HERC2: variants seen among roughly 807,000 people sequenced by gnomAD.
HERC2 encodes the protein E3 ubiquitin-protein ligase HERC2.
HERC2 carries 102 observed loss-of-function variants against 537.7 expected under a neutral mutation model. The ratio of observed to expected loss-of-function variants is 0.19; its 90% CI spans 0.16 to 0.22. HERC2 has a LOEUF of 0.22. Among genes scored for constraint, HERC2 ranks in the 10% least tolerant of loss-of-function variants. The probability of loss-of-function intolerance (pLI) is 1.00; values close to 1 mark genes in which losing one functional copy is unlikely to be tolerated. For missense variants in HERC2, 4,236 were observed against 6,198.2 expected, an observed-to-expected ratio of 0.68 and a Z score of 10.63; for synonymous variants, 2,224 against 2,466.2, an observed-to-expected ratio of 0.90 and a Z score of 2.91.
intron 57 of HERC2, 84 bp downstream of exon 57, chr15:28,182,317 A>G (rs1055080219): frequency 1.2e-6 from 1 of 822,148 alleles, no homozygotes; most frequent in South Asian, 1.4e-5. Context: ...CAACATATAG[A>G]GAGTAAAGTT....
At chr15:28,193,147 G>A (rs1334718089) in intron 52 of HERC2, among the ~76,000 whole-genome samples, 1 of 152,008 alleles carries the variant, frequency 6.6e-6, no homozygotes, top group African/African-American at 2.4e-5. Flanking sequence ...CACATGAAAA[G>A]GCAAGAAAAT....
intron 4 of HERC2, 105 bp from the exon 5 acceptor site, chr15:28,280,392 G>T: frequency 1.1e-6 from 1 of 887,746 alleles, no homozygotes; most frequent in Non-Finnish European, 1.7e-6. Context: ...TCGAAGGCAT[G>T]ATATGTGGCA....
At chr15:28,216,190 C>G (rs1371071202) in intron 38 of HERC2, among the ~76,000 whole-genome samples, 1 of 151,926 alleles carries the variant, frequency 6.6e-6, no homozygotes, top group African/African-American at 2.4e-5. Context: ...TGTTTCTAGG[C>G]AATAGGAAAA....
intron 74 of HERC2, among the ~76,000 whole-genome samples, chr15:28,143,416 C>T (rs1487947889): frequency 6.6e-6 from 1 of 152,116 alleles, no homozygotes; most frequent in African/African-American, 2.4e-5. Flanking sequence ...TACGAGAAGT[C>T]TGGATGGGAC....
rs777168431 is a variant in HERC2, at chr15:28,265,759, A to G, written c.1757-28T>C. 1.2e-6 allele frequency: 2 copies of G among 1,613,756 alleles called. No individual in the cohort carries two copies. The highest frequency in any genetic ancestry group is 1.7e-6 in the Non-Finnish European group (2 of 1,179,682). ...TCAAACAGATAGGACGGCGGTTACTAAGTCCTGTAAGAGGCCACCTCCTGC... is the reference window on the plus strand; with the variant it reads ...TCAAACAGATAGGACGGCGGTTACTGAGTCCTGTAAGAGGCCACCTCCTGC... On this transcript the variant is annotated intron_variant, in intron 13 of 92. Transcript: ENST00000261609. This position sits in a 1 kb window ranked among gnomAD's most constrained non-coding sequence, Gnocchi z 4.0.
At position 28,111,584 on chromosome 15, in the gene HERC2, C is replaced by T; in HGVS notation, c.*179G>A. 1.6e-6 allele frequency: 1 copy of T among 640,160 alleles called. No homozygotes were observed. Among genetic ancestry groups the T allele is most frequent in the East Asian group, 2.7e-5 (1 of 36,506 alleles). The allele number at this position is 640,160 out of a possible 1,614,324, so 39.7% of individuals were successfully genotyped here. ...GAGCGTCCACAGTGTTCCACGCGCA[C>T]AGGCGGACCTTCTCACTGTCATTCC... On this transcript the variant is annotated 3_prime_UTR_variant, in exon 93 of 93. Transcript: ENST00000261609.
chr15:28,308,315 A>C (rs1340307164), intron 2 of HERC2, among the ~76,000 whole-genome samples: 9 of 152,212 alleles, frequency 5.9e-5, no homozygotes, highest in Non-Finnish European at 1.3e-4. Context: ...ATGTGTGGCT[A>C]CTATAAATGG....
At chr15:28,275,418 C>T (rs974408936) in intron 5 of HERC2, among the ~76,000 whole-genome samples, 1 of 152,224 alleles carries the variant, frequency 6.6e-6, no homozygotes, top group African/African-American at 2.4e-5. Context: ...GCCCCAGCTC[C>T]GGCGTCCTCC....
intron 34 of HERC2, 67 bp downstream of exon 34, chr15:28,229,128 T>G: frequency 7.2e-7 from 1 of 1,389,448 alleles, no homozygotes; most frequent in Non-Finnish European, 1.0e-6. Context: ...AATTGGCATT[T>G]GCAAGTTTCC....
At chr15:28,233,869 C>T (rs1902145664) in intron 27 of HERC2, 73 bp from the exon 28 acceptor site, 3 of 1,442,062 alleles carry the variant, frequency 2.1e-6, no homozygotes, top group East Asian at 4.5e-5. Flanking sequence ...CATGCCACAG[C>T]TTCTGACGCA....
At chr15:28,147,630 G>C (rs1371362966) in intron 70 of HERC2, among the ~76,000 whole-genome samples, 1 of 143,094 alleles carries the variant, frequency 7.0e-6, no homozygotes, top group Non-Finnish European at 1.5e-5. Context: ...AAGTGACAAA[G>C]CTTTTCTGAA....
In HERC2 at chr15:28,111,688, A is replaced by C; in HGVS notation, c.*75T>G. Reference sequence around the variant, plus strand: ...ACGCTTCTCATCAGACACACCAGGCAGCCTACAGTCTACACAGCAGCGAGC... The same window carrying C: ...ACGCTTCTCATCAGACACACCAGGCCGCCTACAGTCTACACAGCAGCGAGC... On this transcript the variant is annotated 3_prime_UTR_variant, in exon 93 of 93. Coordinates refer to ENST00000261609, the MANE Select transcript of HERC2 (RefSeq NM_004667.6). 1 of 1,497,056 alleles carries C rather than the reference A, an allele frequency of 6.7e-7. No homozygotes were observed. The highest frequency in any genetic ancestry group is 9.1e-7 in the Non-Finnish European group (1 of 1,093,550). The allele number at this position is 1,497,056 out of a possible 1,614,324, so 92.7% of individuals were successfully genotyped here. A position where few individuals can be genotyped will look rare whatever the true frequency, so the allele number is the denominator to read the frequency against.
In HERC2 at chr15:28,124,063, G is replaced by A. The variant is rs1299149633; in HGVS notation, c.13162C>T (p.Arg4388Ter). 1.3e-6 allele frequency: 2 copies of A among 1,597,906 alleles called. No homozygotes were observed. The highest frequency in any genetic ancestry group is 1.7e-6 in the Non-Finnish European group (2 of 1,172,106). ...TTTCCCTGGGATATCAGAATTCCTC[G>A]GAGAGTGTCGAACCCAACAGAAGGC... is the stretch of plus-strand genomic sequence containing the variant. ...LGPSVGFDTLRGILISQGKEA... is the reference protein window; with the variant it reads ...LGPSVGFDTL The change falls in exon 85 of 93, where the codon CGA becomes TGA. Residue 4388 changes from arginine (R) to a stop codon, truncating the protein, a stop_gained. Coordinates refer to ENST00000261609, the MANE Select transcript of HERC2 (RefSeq NM_004667.6). LOFTEE classifies it high-confidence loss of function.
At chr15:28,255,114 T>C (rs950453775) in intron 19 of HERC2, among the ~76,000 whole-genome samples, 103 of 152,078 alleles carry the variant, frequency 6.8e-4, no homozygotes, top group African/African-American at 2.2e-3. Context: ...GGTGGGGGGA[T>C]CACTGGAGCC....
chr15:28,225,148 GA>G (rs1422855830), intron 35 of HERC2, among the ~76,000 whole-genome samples: 3 of 152,324 alleles, frequency 2.0e-5, no homozygotes, highest in African/African-American at 7.2e-5. Context: ...AGCACTTTGG[GA>G]GGCTGAGGCA....
intron 38 of HERC2, among the ~76,000 whole-genome samples, chr15:28,216,107 C>A (rs1899873442): frequency 6.6e-6 from 1 of 152,000 alleles, no homozygotes; most frequent in Non-Finnish European, 1.5e-5. Context: ...TGCCAAATAG[C>A]TGGGACTACG....
intron 1 of HERC2, 127 bp from the exon 2 acceptor site, chr15:28,321,591 G>A: frequency 2.2e-6 from 1 of 450,994 alleles, no homozygotes; most frequent in Non-Finnish European, 3.7e-6. Context: ...GTGGAGGGGA[G>A]AGAAGGGGAG....
intron 23 of HERC2, among the ~76,000 whole-genome samples, chr15:28,243,073 A>G (rs1903294220): frequency 6.6e-6 from 1 of 152,192 alleles, no homozygotes; most frequent in South Asian, 2.1e-4. Context: ...TCACTAGGGG[A>G]AAAGCTGCAA....
Position 28,274,356 on chromosome 15 carries a change from G to A in HERC2, c.735C>T (p.Thr245=), listed in dbSNP as rs772561957. The A allele has an allele frequency of 1.6e-5, 26 of 1,614,206 alleles. No individual in the cohort carries two copies. The highest frequency in any genetic ancestry group is 2.2e-5 in the East Asian group (1 of 44,878). The change falls in exon 7 of 93, where the codon ACC becomes ACT. Residue 245 remains threonine, a synonymous_variant. Coordinates refer to ENST00000261609, the MANE Select transcript of HERC2 (RefSeq NM_004667.6). The part of the protein sequence containing the change: ...LPEASLFDES[T]VSSVWLEVVE... ...CCACCTCCAGCCACACAGAGGACAC[G>A]GTGCTCTCGTCAAAGAGCGAGGCCT...
Sources: allele counts gnomAD v4.1 joint callset (sites outside exome capture counted in the v4.1 genomes callset), GRCh38; gene constraint gnomAD v4.1.1; non-coding constraint Gnocchi (gnomAD v3.1); transcripts MANE v1.5; gene names NCBI Gene and HGNC (gene_info 2026-07-23, HGNC 2026-07-21).